Variants in RHOBTB3 observed in about 807,000 individuals in gnomAD.
The protein encoded by RHOBTB3 is rho-related BTB domain-containing protein 3.
Under a neutral mutation model 67.2 loss-of-function variants are expected in RHOBTB3, and 47 were observed. That is an observed-to-expected ratio of 0.70 (90% CI 0.55 to 0.89). The LOEUF is 0.89. RHOBTB3 is among the 40% of genes least tolerant of loss of function. The pLI is 0.00. For synonymous variants in RHOBTB3, 273 were observed against 274.2 expected (o/e 1.00, Z 0.04); for missense variants, 631 against 750.0 (o/e 0.84, Z 1.85).
intron 3 of RHOBTB3, among the ~76,000 whole-genome samples, chr5:95,742,277 T>C (rs1755622761): frequency 6.6e-6 from 1 of 152,240 alleles, no homozygotes. Context: ...CAATCTGGTA[T>C]TCGTATCTCA....
chr5:95,786,217 T>C (rs1397750481), intron 10 of RHOBTB3, among the ~76,000 whole-genome samples: 1 of 152,240 alleles, frequency 6.6e-6, no homozygotes, highest in African/African-American at 2.4e-5. Context: ...ACTTCACCAG[T>C]CAGTTCACCC....
chr5:95,738,809 C>G (rs2548126), intron 3 of RHOBTB3, among the ~76,000 whole-genome samples: 63,191 of 152,044 alleles, frequency 0.42, 13,582 homozygotes, highest in East Asian at 0.71. Context: ...ATTTAATACA[C>G]TTTAATAACA....
chr5:95,739,734 G>A (rs1358601628), intron 3 of RHOBTB3, among the ~76,000 whole-genome samples: 1 of 151,950 alleles, frequency 6.6e-6, no homozygotes, highest in Non-Finnish European at 1.5e-5. Flanking sequence ...TTATAGAAAC[G>A]AAATTCTGCC....
intron 10 of RHOBTB3, among the ~76,000 whole-genome samples, chr5:95,785,661 A>T (rs1485837995): frequency 2.0e-5 from 3 of 152,194 alleles, no homozygotes; most frequent in Admixed American, 6.5e-5. Flanking sequence ...CTCATGATAA[A>T]TAGCTCCCCT....
chr5:95,724,524 T>C (rs1366421890), intron 1 of RHOBTB3, among the ~76,000 whole-genome samples: 1 of 152,214 alleles, frequency 6.6e-6, no homozygotes, highest in Non-Finnish European at 1.5e-5. Flanking sequence ...TTTCAAACAC[T>C]GGGTAAGGGC....
intron 10 of RHOBTB3, among the ~76,000 whole-genome samples, chr5:95,787,773 A>G (rs1398465958): frequency 6.6e-6 from 1 of 152,262 alleles, no homozygotes; most frequent in Non-Finnish European, 1.5e-5. Context: ...TTAGAATTTC[A>G]CTTATATGAG....
intron 5 of RHOBTB3, 76 bp from the exon 6 acceptor site, chr5:95,755,320 T>G: frequency 9.4e-7 from 1 of 1,062,312 alleles, no homozygotes; most frequent in East Asian, 2.7e-5. Context: ...TACAATTATA[T>G]TTAAAGTAAA....
upstream of RHOBTB3, among the ~76,000 whole-genome samples, chr5:95,728,792 A>C (rs1167053348): frequency 6.6e-6 from 1 of 152,196 alleles, no homozygotes; most frequent in Non-Finnish European, 1.5e-5. Context: ...TCAGCACAGG[A>C]TACAGGTCAC....
upstream of RHOBTB3, among the ~76,000 whole-genome samples, chr5:95,726,307 C>T (rs1755049841): frequency 6.6e-6 from 1 of 152,056 alleles, no homozygotes; most frequent in Admixed American, 6.5e-5. Context: ...TGCTTTTTGA[C>T]TTTCATTTTT....
At position 95,780,368 on chromosome 5, in the gene RHOBTB3, T is replaced by A; in HGVS notation, c.1399T>A (p.Ser467Thr). The A allele has an allele frequency of 6.2e-7, 1 of 1,614,134 alleles. No individual in the cohort carries two copies. Among genetic ancestry groups the A allele is most frequent in the South Asian group, 1.1e-5 (1 of 91,084 alleles). ...KSVLIPVYGVSKETFLSFLEY... is the reference protein window; with the variant it reads ...KSVLIPVYGVTKETFLSFLEY... ...TGTCCTGATTCCCGTTTATGGTGTT[T>A]CCAAAGAGACTTTCTTGTCATTTTT... is the stretch of plus-strand genomic sequence containing the variant. The change falls in exon 9 of 12, where the codon TCC (serine) becomes ACC (threonine). Residue 467 changes from serine to threonine, a missense_variant. By Grantham distance (58) the Ser-to-Thr change is moderately conservative (BLOSUM62 1). Transcript: ENST00000379982.
upstream of RHOBTB3, among the ~76,000 whole-genome samples, chr5:95,729,420 T>A (rs757547885): frequency 3.9e-5 from 6 of 152,350 alleles, no homozygotes; most frequent in African/African-American, 1.2e-4. Flanking sequence ...CACTTCCAAG[T>A]TGTCAGCAAC....
intron 8 of RHOBTB3, among the ~76,000 whole-genome samples, chr5:95,774,046 A>C (rs976188122): frequency 2.0e-5 from 3 of 152,218 alleles, no homozygotes; most frequent in Admixed American, 2.0e-4. Context: ...AGTCATATAC[A>C]ATTGTTTTAA....
At chr5:95,776,755 T>C (rs1745895979) in intron 8 of RHOBTB3, among the ~76,000 whole-genome samples, 1 of 152,102 alleles carries the variant, frequency 6.6e-6, no homozygotes, top group African/African-American at 2.4e-5. Flanking sequence ...GTTCTTTTGG[T>C]TTTTTGCCTA....
rs771239787 is a variant in RHOBTB3, at chr5:95,793,106, T to C, written c.1768T>C (p.Tyr590His). The C allele has an allele frequency of 1.2e-6, 2 of 1,613,698 alleles. No individual in the cohort carries two copies. Among genetic ancestry groups the C allele is most frequent in the Non-Finnish European group, 1.7e-6 (2 of 1,179,842 alleles). ...AAAGCACAGATGGCCGTCGAATATG[T>C]ACTTGAAGCAGCTTGCGGAATACAG... is the stretch of plus-strand genomic sequence containing the variant. ...VEKHRWPSNM[Y>H]LKQLAEYRKY... Residue 590 changes from tyrosine to histidine, a missense_variant, in exon 12 of 12, where the codon TAC (tyrosine) becomes CAC (histidine). Transcript: ENST00000379982.
chr5:95,767,883 T>C (rs1265781948), intron 7 of RHOBTB3, 163 bp from the exon 8 acceptor site: 3 of 745,196 alleles, frequency 4.0e-6, no homozygotes, highest in Non-Finnish European at 7.2e-6. Flanking sequence ...CCCATACAGT[T>C]CTTAAAGGTA....
chr5:95,793,286 C>A lies in RHOBTB3; in HGVS notation c.*112C>A, dbSNP rs556049949. On this transcript the variant is annotated 3_prime_UTR_variant, in exon 12 of 12. Transcript: ENST00000379982. Reference sequence around the variant, plus strand: ...ACCAATGTGGGTGTTAGAAAAATTACCATATAGCTTAATATGTTTATTAGT... The same window carrying A: ...ACCAATGTGGGTGTTAGAAAAATTAACATATAGCTTAATATGTTTATTAGT... The A allele has an allele frequency of 6.4e-5, 41 of 636,064 alleles. No individual in the cohort carries two copies. The East Asian group carries it at 1.1e-3, about 17-fold the overall frequency. The allele number at this position is 636,064 out of a possible 1,614,324, so 39.4% of individuals were successfully genotyped here.
At position 95,731,935 on chromosome 5, in the gene RHOBTB3, A is replaced by G; in HGVS notation, c.79A>G (p.Thr27Ala). Residue 27 changes from threonine (T) to alanine (A), a missense_variant, in exon 2 of 12, where the codon ACT becomes GCT. Coordinates refer to ENST00000379982, the MANE Select transcript of RHOBTB3 (RefSeq NM_014899.4). ...CAACCGGCCGTCGGGGCTTATCCGC[A>G]CTTACCTGGGGAGAAGCCCTCTGGT... is the stretch of plus-strand genomic sequence containing the variant. ...QDNRPSGLIR[T>A]YLGRSPLVSG... The G allele has an allele frequency of 6.2e-7, 1 of 1,614,062 alleles. No homozygotes were observed. The highest frequency in any genetic ancestry group is 8.5e-7 in the Non-Finnish European group (1 of 1,180,020).
chr5:95,748,237 G>A (rs1744978623), intron 3 of RHOBTB3, 96 bp from the exon 4 acceptor site: 1 of 842,108 alleles, frequency 1.2e-6, no homozygotes, highest in Non-Finnish European at 1.8e-6. Context: ...TGTGGCTCTA[G>A]TATGAGCTCT....
chr5:95,764,309 T>G (rs1745481420), intron 7 of RHOBTB3, among the ~76,000 whole-genome samples: 1 of 152,172 alleles, frequency 6.6e-6, no homozygotes, highest in Non-Finnish European at 1.5e-5. Flanking sequence ...TCCTCACAAT[T>G]TAAGTCTCAA....
Sources: gnomAD v4.1 joint callset for allele counts (sites outside exome capture counted in the v4.1 genomes callset) on GRCh38, gnomAD v4.1.1 for gene constraint, MANE v1.5 for transcripts, NCBI Gene and HGNC (gene_info 2026-07-23, HGNC 2026-07-21) for gene names.